The following GULP1 variants were observed in gnomAD, a reference collection of about 807,000 sequenced individuals.
GULP1 encodes GULP PTB domain containing engulfment adaptor 1.
A neutral mutation model predicts 40.9 loss-of-function variants in GULP1; 19 were observed. The ratio of observed to expected loss-of-function variants is 0.46; its 90% CI spans 0.32 to 0.68. The LOEUF (loss-of-function observed/expected upper bound fraction) is 0.68, where lower values mean the gene tolerates loss of function less well. Among genes scored for constraint, GULP1 ranks in the 30% least tolerant of loss-of-function variants. The probability of loss-of-function intolerance (pLI) is 0.03; values close to 1 mark genes in which losing one functional copy is unlikely to be tolerated. For synonymous variants in GULP1, 119 were observed against 117.6 expected (o/e 1.01, Z -0.08); for missense variants, 312 against 362.2 (o/e 0.86, Z 1.12).
intron 4 of GULP1, among the ~76,000 whole-genome samples, chr2:188,519,374 A>C (rs1396473674): frequency 6.6e-6 from 1 of 152,178 alleles, no homozygotes; most frequent in Non-Finnish European, 1.5e-5. Flanking sequence ...TTGACTCATG[A>C]CATTCCTGCT....
chr2:188,505,930 C>T (rs2063861701), intron 4 of GULP1, among the ~76,000 whole-genome samples: 1 of 151,700 alleles, frequency 6.6e-6, no homozygotes, highest in Non-Finnish European at 1.5e-5. Flanking sequence ...CATAGTTGAC[C>T]AACTGCATGA....
intron 1 of GULP1, among the ~76,000 whole-genome samples, chr2:188,322,442 A>C (rs1266078555): frequency 6.6e-6 from 1 of 152,126 alleles, no homozygotes; most frequent in East Asian, 1.9e-4. Flanking sequence ...AGAAAGTTAA[A>C]GCTGATTTCA....
rs556604597 is a variant in GULP1, at chr2:188,311,101, T to C, written c.-172+18935T>C. ...AGAAGCCTGGCAAAATGAGTTTCAA[T>C]CCTTGGTCAAAGGATAAAGAATTAT... is the stretch of plus-strand genomic sequence containing the variant. On this transcript the variant is annotated intron_variant, in intron 1 of 11. Coordinates refer to ENST00000409830, the MANE Select transcript of GULP1 (RefSeq NM_016315.4). 3.9e-5 allele frequency among the ~76,000 whole-genome samples: 6 copies of C among 152,306 alleles called. No homozygotes were observed. The South Asian group carries it at 1.2e-3, about 32-fold the overall frequency.
At chr2:188,543,486 T>A (rs1321509663) in intron 7 of GULP1, among the ~76,000 whole-genome samples, 3 of 152,174 alleles carry the variant, frequency 2.0e-5, no homozygotes, top group Admixed American at 2.0e-4. Flanking sequence ...ATCTTAACTA[T>A]GAGGTTTTAT....
At chr2:188,403,021 C>T (rs1374235587) in intron 2 of GULP1, among the ~76,000 whole-genome samples, 1 of 152,164 alleles carries the variant, frequency 6.6e-6, no homozygotes, top group Admixed American at 6.5e-5. Flanking sequence ...TTACATGCTA[C>T]TGCTTGTAGA....
intron 4 of GULP1, among the ~76,000 whole-genome samples, chr2:188,493,837 C>G (rs889873041): frequency 6.6e-6 from 1 of 151,988 alleles, no homozygotes; most frequent in African/African-American, 2.4e-5. Context: ...TTGATAAACT[C>G]TCCTTCAGTT....
At chr2:188,451,894 TA>T (rs1376676614) in intron 2 of GULP1, among the ~76,000 whole-genome samples, 14 of 152,196 alleles carry the variant, frequency 9.2e-5, no homozygotes, top group African/African-American at 3.1e-4. Context: ...AGTTTTATTT[TA>T]AAGGCAAATA....
chr2:188,405,276 A>G (rs540147482), intron 2 of GULP1, among the ~76,000 whole-genome samples: 4 of 152,066 alleles, frequency 2.6e-5, no homozygotes, highest in African/African-American at 4.8e-5. Context: ...GCCTGCACCC[A>G]TGATCTCAGC....
chr2:188,583,650 T>C (rs1235034708), intron 9 of GULP1, among the ~76,000 whole-genome samples: 1 of 152,208 alleles, frequency 6.6e-6, no homozygotes, highest in African/African-American at 2.4e-5. Context: ...CTGGCGATTA[T>C]TAATTTAGTT....
chr2:188,446,044 C>T (rs1429821689), intron 2 of GULP1, among the ~76,000 whole-genome samples: 1 of 152,166 alleles, frequency 6.6e-6, no homozygotes, highest in Non-Finnish European at 1.5e-5. Flanking sequence ...AATGAGTCCA[C>T]CATCTCCTAG....
chr2:188,586,951 T>A (rs1343541541), intron 10 of GULP1, among the ~76,000 whole-genome samples: 1 of 152,026 alleles, frequency 6.6e-6, no homozygotes, highest in African/African-American at 2.4e-5. Flanking sequence ...TAGTTACCTA[T>A]GTATTTCTTA....
intron 2 of GULP1, among the ~76,000 whole-genome samples, chr2:188,472,628 T>C (rs566371266): frequency 6.6e-6 from 1 of 152,190 alleles, no homozygotes; most frequent in Non-Finnish European, 1.5e-5. Context: ...TCATTTCTGC[T>C]TGATTCCTTT....
chr2:188,456,311 C>G (rs541399021), intron 2 of GULP1, among the ~76,000 whole-genome samples: 7 of 152,090 alleles, frequency 4.6e-5, no homozygotes, highest in Admixed American at 6.5e-5. Flanking sequence ...CATCACGTGC[C>G]GGAAGGCCTA....
intron 1 of GULP1, among the ~76,000 whole-genome samples, chr2:188,350,780 A>G (rs1357302850): frequency 6.6e-6 from 1 of 152,128 alleles, no homozygotes; most frequent in Non-Finnish European, 1.5e-5. Flanking sequence ...CATTTTCTGT[A>G]CACCAGTAGA....
At chr2:188,396,302 A>G (rs1468864221) in intron 2 of GULP1, among the ~76,000 whole-genome samples, 3 of 152,214 alleles carry the variant, frequency 2.0e-5, no homozygotes, top group African/African-American at 7.2e-5. Flanking sequence ...CTGGGTGGGA[A>G]AGATCCGAGC....
intron 2 of GULP1, among the ~76,000 whole-genome samples, chr2:188,449,391 C>G (rs1331794682): frequency 6.6e-6 from 1 of 152,128 alleles, no homozygotes; most frequent in East Asian, 1.9e-4. Context: ...CCCTCCTCCC[C>G]CAATTGAGTC....
intron 5 of GULP1, among the ~76,000 whole-genome samples, chr2:188,526,969 AAG>A (rs1042744563): frequency 6.6e-6 from 1 of 152,136 alleles, no homozygotes; most frequent in Admixed American, 6.5e-5. Flanking sequence ...TGTTATGAAG[AAG>A]AGAGAAAAGT....
intron 10 of GULP1, among the ~76,000 whole-genome samples, chr2:188,586,388 CA>C (rs1339800779): frequency 2.0e-5 from 3 of 152,134 alleles, no homozygotes; most frequent in Non-Finnish European, 4.4e-5. Flanking sequence ...CATTTTTTAA[CA>C]AACACCTACT....
chr2:188,369,892 G>A (rs2152433021), intron 1 of GULP1, among the ~76,000 whole-genome samples: 1 of 152,188 alleles, frequency 6.6e-6, no homozygotes, highest in East Asian at 1.9e-4. Context: ...CACCCACGCT[G>A]GAGTGTGATG....
Sources: gnomAD v4.1 joint callset for allele counts (sites outside exome capture counted in the v4.1 genomes callset) on GRCh38, gnomAD v4.1.1 for gene constraint, MANE v1.5 for transcripts, NCBI Gene and HGNC (gene_info 2026-07-23, HGNC 2026-07-21) for gene names.